Variants in DYNC1I1 observed in about 807,000 individuals in gnomAD.
The protein encoded by DYNC1I1 is cytoplasmic dynein 1 intermediate chain 1.
Under a neutral mutation model 86.6 loss-of-function variants are expected in DYNC1I1, and 43 were observed. That is an observed-to-expected ratio of 0.50 (90% CI 0.39 to 0.64). The LOEUF (loss-of-function observed/expected upper bound fraction) is 0.64. Among genes scored for constraint, DYNC1I1 ranks in the 30% least tolerant of loss-of-function variants. The pLI, the probability that DYNC1I1 is intolerant of heterozygous loss-of-function variation, is 0.00. For missense variants in DYNC1I1, 604 were observed against 788.8 expected (o/e 0.77, Z 2.81); for synonymous variants, 262 against 283.7 (o/e 0.92, Z 0.77).
intron 14 of DYNC1I1, among the ~76,000 whole-genome samples, chr7:96,064,576 G>T (rs546374561): frequency 6.6e-6 from 1 of 152,116 alleles, no homozygotes; most frequent in African/African-American, 2.4e-5. Context: ...ACATCTCAAG[G>T]TACCAAAGTG....
intron 16 of DYNC1I1, among the ~76,000 whole-genome samples, chr7:96,083,566 C>T (rs2299288): frequency 0.051 from 7,743 of 152,218 alleles, 309 homozygotes; most frequent in East Asian, 0.23. Context: ...GAAGTGCACC[C>T]TCTAGACAAG....
At chr7:95,895,614 C>T (rs1004325677) in intron 6 of DYNC1I1, among the ~76,000 whole-genome samples, 2 of 152,138 alleles carry the variant, frequency 1.3e-5, no homozygotes, top group Admixed American at 6.5e-5. Context: ...CACTGCTTTA[C>T]GACCCATTTT....
At chr7:96,103,614 ATTT>A (rs753097738) in intron 16 of DYNC1I1, among the ~76,000 whole-genome samples, 1 of 143,256 alleles carries the variant, frequency 7.0e-6, no homozygotes, top group Non-Finnish European at 1.5e-5. Context: ...CTCTATATGG[ATTT>A]TTTTTTTTTT....
intron 16 of DYNC1I1, among the ~76,000 whole-genome samples, chr7:96,109,558 A>G (rs919392192): frequency 6.6e-6 from 1 of 152,014 alleles, no homozygotes; most frequent in East Asian, 1.9e-4. Context: ...CTGTAACTTC[A>G]TTGCATATAT....
Position 95,887,485 on chromosome 7 carries a change from G to A in DYNC1I1, c.490+17487G>A, listed in dbSNP as rs140088016. 1.6e-3 allele frequency among the ~76,000 whole-genome samples: 243 copies of A among 151,524 alleles called. 2 individuals are homozygous for A. Among genetic ancestry groups the A allele is most frequent in the African/African-American group, 5.5e-3 (228 of 41,276 alleles). On this transcript the variant is annotated intron_variant, in intron 6 of 16. Coordinates refer to ENST00000447467, the MANE Select transcript of DYNC1I1 (RefSeq NM_001135556.2). ...GCCTTGAAGCTTTTCTTAATTCCCC[G>A]TCCTCTTTTTAGTTGAACATAGTAT...
At chr7:95,890,747 A>C (rs144978369) in intron 6 of DYNC1I1, among the ~76,000 whole-genome samples, 1 of 152,346 alleles carries the variant, frequency 6.6e-6, no homozygotes, top group East Asian at 1.9e-4. Flanking sequence ...CCCCACCCTC[A>C]GAATTTCTGA....
chr7:95,977,740 A>T (rs1304655292), intron 7 of DYNC1I1, 139 bp downstream of exon 7: 2 of 638,488 alleles, frequency 3.1e-6, no homozygotes, highest in East Asian at 6.4e-5. Flanking sequence ...TGTTCAATAC[A>T]TTACATTTAG....
chr7:96,054,600 C>A (rs1485316083), intron 14 of DYNC1I1, among the ~76,000 whole-genome samples: 1 of 152,202 alleles, frequency 6.6e-6, no homozygotes, highest in African/African-American at 2.4e-5. Context: ...ACACTCCCAC[C>A]AACAATGTAA....
At chr7:95,929,766 A>T (rs1399854548) in intron 6 of DYNC1I1, among the ~76,000 whole-genome samples, 1 of 152,254 alleles carries the variant, frequency 6.6e-6, no homozygotes, top group African/African-American at 2.4e-5. Flanking sequence ...CATATGGTAC[A>T]TATGCATTCA....
At chr7:95,968,366 A>G (rs1365758940) in intron 6 of DYNC1I1, among the ~76,000 whole-genome samples, 1 of 152,220 alleles carries the variant, frequency 6.6e-6, no homozygotes, top group Non-Finnish European at 1.5e-5. Context: ...CAGCTCTAAC[A>G]TTAATAGTCA....
chr7:95,875,069 C>G (rs1490190022), intron 6 of DYNC1I1, among the ~76,000 whole-genome samples: 2 of 152,182 alleles, frequency 1.3e-5, no homozygotes, highest in African/African-American at 2.4e-5. Flanking sequence ...AGTCCATTAG[C>G]CAGGACTAGG....
intron 6 of DYNC1I1, among the ~76,000 whole-genome samples, chr7:95,933,003 C>T (rs1791941307): frequency 6.6e-6 from 1 of 150,902 alleles, no homozygotes; most frequent in Non-Finnish European, 1.5e-5. Context: ...GCCTCAGCTT[C>T]CTGAGTGTCT....
chr7:95,921,502 G>A (rs1236000384), intron 6 of DYNC1I1, among the ~76,000 whole-genome samples: 1 of 151,986 alleles, frequency 6.6e-6, no homozygotes, highest in Non-Finnish European at 1.5e-5. Flanking sequence ...TTCAACTACA[G>A]TCTGGGACAG....
intron 5 of DYNC1I1, among the ~76,000 whole-genome samples, chr7:95,829,719 T>G (rs192115910): frequency 3.9e-4 from 60 of 152,256 alleles, no homozygotes; most frequent in Non-Finnish European, 7.2e-4. Context: ...TGTGACTTAT[T>G]CTAGGGATAT....
At position 95,810,492 on chromosome 7, in the gene DYNC1I1, C is replaced by T. The variant is rs1290513664; in HGVS notation, c.209C>T (p.Pro70Leu). Residue 70 changes from proline (P) to leucine (L), a missense_variant, in exon 3 of 17, where the codon CCG becomes CTG. Coordinates refer to ENST00000447467, the MANE Select transcript of DYNC1I1 (RefSeq NM_001135556.2). ...EALLQSIGIS[P>L]EPPLVPTPMS... ...TTGCTGCAAAGCATTGGTATCTCAC[C>T]GGAGCCGCCTCTAGGTACTTAAAAG... The T allele has an allele frequency of 5.0e-6, 8 of 1,611,818 alleles. No homozygotes were observed. The highest frequency in any genetic ancestry group is 6.8e-6 in the Non-Finnish European group (8 of 1,178,942).
chr7:95,887,275 G>A (rs76486930), intron 6 of DYNC1I1, among the ~76,000 whole-genome samples: 3,708 of 152,220 alleles, frequency 0.024, 128 homozygotes, highest in African/African-American at 0.076. Flanking sequence ...AAGCACAGCC[G>A]GGATTGAGAA....
intron 1 of DYNC1I1, among the ~76,000 whole-genome samples, chr7:95,790,111 G>A (rs1186337529): frequency 2.6e-5 from 4 of 152,110 alleles, no homozygotes; most frequent in Non-Finnish European, 4.4e-5. Context: ...TCCCTTCTGC[G>A]TACAGAGAAG....
intron 14 of DYNC1I1, among the ~76,000 whole-genome samples, chr7:96,068,382 TA>T (rs1790057739): frequency 6.6e-6 from 1 of 152,216 alleles, no homozygotes; most frequent in South Asian, 2.1e-4. Context: ...TCTGTACTCA[TA>T]TTAAATATAA....
At chr7:95,906,885 C>T (rs4729223) in intron 6 of DYNC1I1, among the ~76,000 whole-genome samples, 11,745 of 152,176 alleles carry the variant, frequency 0.077, 725 homozygotes, top group Admixed American at 0.22. Flanking sequence ...GGCTGATTCT[C>T]AGAGACTGTG....
Sources: allele counts gnomAD v4.1 joint callset (sites outside exome capture counted in the v4.1 genomes callset), GRCh38; gene constraint gnomAD v4.1.1; transcripts MANE v1.5; gene names NCBI Gene and HGNC (gene_info 2026-07-23, HGNC 2026-07-21).